Variants in ARMC9 observed in about 807,000 individuals in gnomAD.
ARMC9 encodes the protein armadillo repeat containing 9, also known as lisH domain-containing protein ARMC9.
In ARMC9, 94 loss-of-function variants were observed where a neutral mutation model predicts 107.0. The observed-to-expected ratio is 0.88, with a 90% confidence interval of 0.74 to 1.04. ARMC9 has a LOEUF of 1.04. Ranked by LOEUF, ARMC9 falls within the 50% of genes least tolerant of loss-of-function variation. ARMC9 has a pLI of 0.00. For missense variants in ARMC9, 942 were observed against 1,030.1 expected, an observed-to-expected ratio of 0.91 and a Z score of 1.17; for synonymous variants, 380 against 396.9, an observed-to-expected ratio of 0.96 and a Z score of 0.51.
intron 8 of ARMC9, among the ~76,000 whole-genome samples, chr2:231,237,297 T>C (rs1306176509): frequency 6.6e-6 from 1 of 152,194 alleles, no homozygotes; most frequent in Non-Finnish European, 1.5e-5. Flanking sequence ...CGATATATCT[T>C]GGAGATCTTT....
chr2:231,203,824 G>A (rs1207644154), intron 1 of ARMC9, among the ~76,000 whole-genome samples: 2 of 152,168 alleles, frequency 1.3e-5, no homozygotes, highest in Admixed American at 1.3e-4. Flanking sequence ...GCTAGGCATG[G>A]TGGCGGGTGC....
chr2:231,307,580 A>G (rs1575026885), intron 19 of ARMC9, among the ~76,000 whole-genome samples: 1 of 152,202 alleles, frequency 6.6e-6, no homozygotes, highest in Non-Finnish European at 1.5e-5. Flanking sequence ...TGAAACCTCC[A>G]CAGCCTGGCC....
intron 19 of ARMC9, among the ~76,000 whole-genome samples, chr2:231,317,545 C>T (rs930857830): frequency 4.0e-5 from 6 of 151,010 alleles, no homozygotes; most frequent in Non-Finnish European, 5.9e-5. Context: ...TTTTTTAAAC[C>T]AAATTTGAGT....
At chr2:231,269,073 T>A (rs1018181807) in intron 12 of ARMC9, among the ~76,000 whole-genome samples, 52 of 152,044 alleles carry the variant, frequency 3.4e-4, no homozygotes, top group African/African-American at 1.2e-3. Context: ...TCAAAAAATT[T>A]AAAAAAAGAA....
At chr2:231,202,469 C>T (rs2031210909) in intron 1 of ARMC9, among the ~76,000 whole-genome samples, 1 of 151,860 alleles carries the variant, frequency 6.6e-6, no homozygotes, top group Non-Finnish European at 1.5e-5. Flanking sequence ...ATTACAGGCA[C>T]ACACCACCAC....
intron 1 of ARMC9, among the ~76,000 whole-genome samples, chr2:231,201,936 A>T (rs1430273630): frequency 7.7e-6 from 1 of 130,202 alleles, no homozygotes; most frequent in Non-Finnish European, 1.6e-5. Flanking sequence ...TTCCGTTCCC[A>T]CTCTCCCTTC....
chr2:231,203,464 G>A (rs996291855), intron 1 of ARMC9, among the ~76,000 whole-genome samples: 5 of 152,104 alleles, frequency 3.3e-5, no homozygotes, highest in South Asian at 2.1e-4. Flanking sequence ...CATGGCTGGC[G>A]TGGCCTGAGC....
intron 14 of ARMC9, among the ~76,000 whole-genome samples, chr2:231,274,182 A>G (rs892341507): frequency 1.3e-5 from 2 of 152,126 alleles, no homozygotes; most frequent in African/African-American, 2.4e-5. Context: ...CAGTGGCGCA[A>G]TCTTGGCTCA....
At chr2:231,281,635 A>G (rs1234437755) in intron 16 of ARMC9, among the ~76,000 whole-genome samples, 1 of 152,220 alleles carries the variant, frequency 6.6e-6, no homozygotes, top group Non-Finnish European at 1.5e-5. Flanking sequence ...TGGTTCATGG[A>G]CGATGATGTC....
At chr2:231,318,364 G>C (rs184643154) in intron 19 of ARMC9, among the ~76,000 whole-genome samples, 1 of 152,222 alleles carries the variant, frequency 6.6e-6, no homozygotes, top group Admixed American at 6.5e-5. Flanking sequence ...GTGGATTGAG[G>C]AATACATTTG....
chr2:231,300,920 AG>A (rs2041682044), intron 19 of ARMC9, among the ~76,000 whole-genome samples: 1 of 152,084 alleles, frequency 6.6e-6, no homozygotes, highest in Admixed American at 6.6e-5. Flanking sequence ...TGTGGCCAGC[AG>A]GGGTGGCATC....
At chr2:231,359,524 T>A (rs1199520464) in intron 22 of ARMC9, among the ~76,000 whole-genome samples, 2 of 152,150 alleles carry the variant, frequency 1.3e-5, no homozygotes, top group Non-Finnish European at 2.9e-5. Flanking sequence ...TCCTTTTTTA[T>A]GACCACCCCG....
At chr2:231,330,975 T>TA (rs1407719116) in intron 19 of ARMC9, among the ~76,000 whole-genome samples, 2 of 151,890 alleles carry the variant, frequency 1.3e-5, no homozygotes, top group African/African-American at 4.8e-5. Flanking sequence ...ACCTCGTCTA[T>TA]ACAAAAAAAT....
At chr2:231,310,721 G>A (rs952631663) in intron 19 of ARMC9, among the ~76,000 whole-genome samples, 1 of 150,344 alleles carries the variant, frequency 6.7e-6, no homozygotes, top group Admixed American at 6.6e-5. Flanking sequence ...CCTGGGCAAC[G>A]AGTGAAACTC....
intron 18 of ARMC9, 111 bp downstream of exon 18, chr2:231,291,554 G>A (rs565728944): frequency 5.4e-5 from 58 of 1,081,792 alleles, no homozygotes; most frequent in Non-Finnish European, 7.0e-5. Flanking sequence ...ACGGTGGCTC[G>A]TGCTTATAAT....
rs763995188 is a variant in ARMC9, at chr2:231,345,089, G to A, written c.1993G>A (p.Val665Met). ...CGGCGGCCACAGAAACGGGTACCCA[G>A]TGTAAGTCAGGGCTAAAGGAAGCGG... is the stretch of plus-strand genomic sequence containing the variant. ...TPGGHRNGYP[V>M]VEDQHTPPQT... The change falls in exon 21 of 25, where the codon GTG becomes ATG. Residue 665 changes from valine to methionine, a missense_variant and splice_region_variant. Transcript: ENST00000611582. 6.2e-7 allele frequency: 1 copy of A among 1,613,370 alleles called. No homozygotes were observed. The highest frequency in any genetic ancestry group is 2.2e-5 in the East Asian group (1 of 44,822).
chr2:231,365,703 A>C (rs1280299608), intron 23 of ARMC9, among the ~76,000 whole-genome samples: 1 of 148,650 alleles, frequency 6.7e-6, no homozygotes, highest in Non-Finnish European at 1.5e-5. Context: ...CACACACAGC[A>C]GATAGGACCC....
intron 16 of ARMC9, 114 bp downstream of exon 16, chr2:231,278,572 T>C: frequency 2.3e-6 from 2 of 862,050 alleles, no homozygotes; most frequent in Non-Finnish European, 3.7e-6. Context: ...TTGAAAACTG[T>C]ACATGTTCTC....
At position 231,281,542 on chromosome 2, in the gene ARMC9, A is replaced by G. The variant is rs140813263; in HGVS notation, c.1552-517A>G. Among the ~76,000 whole-genome samples, 308 of 152,270 alleles carry G rather than the reference A, an allele frequency of 2.0e-3. 4 individuals carry two copies. The highest frequency in any genetic ancestry group is 6.9e-3 in the African/African-American group (287 of 41,540). ...AGAGAGGGATGATTTGGCCCACGCT[A>G]TAGAATGTTGGTAGTGATCGATGGT... is the stretch of plus-strand genomic sequence containing the variant. On this transcript the variant is annotated intron_variant, in intron 16 of 24. Coordinates refer to ENST00000611582, the MANE Select transcript of ARMC9 (RefSeq NM_001352754.2).
Sources: gnomAD v4.1 joint callset for allele counts (sites outside exome capture counted in the v4.1 genomes callset) on GRCh38, gnomAD v4.1.1 for gene constraint, MANE v1.5 for transcripts, NCBI Gene and HGNC (gene_info 2026-07-23, HGNC 2026-07-21) for gene names.